Variants in ITGBL1 observed in about 807,000 individuals in gnomAD.
ITGBL1 encodes the protein integrin beta-like protein 1.
Under a neutral mutation model 68.5 loss-of-function variants are expected in ITGBL1, and 51 were observed. The ratio of observed to expected loss-of-function variants is 0.74; its 90% CI spans 0.59 to 0.94. ITGBL1 has a LOEUF of 0.94. ITGBL1 is among the 40% of genes least tolerant of loss of function. The pLI is 0.00. For missense variants in ITGBL1, 649 were observed against 647.4 expected, an observed-to-expected ratio of 1.00 and a Z score of -0.03; for synonymous variants, 209 against 227.3, an observed-to-expected ratio of 0.92 and a Z score of 0.72.
intron 7 of ITGBL1, among the ~76,000 whole-genome samples, chr13:101,634,453 A>G (rs925102354): frequency 4.6e-5 from 7 of 152,174 alleles, no homozygotes; most frequent in African/African-American, 1.7e-4. Context: ...TTTTGTGCTT[A>G]GGAGGCTGGT....
At chr13:101,633,535 A>G (rs2032060681) in intron 7 of ITGBL1, among the ~76,000 whole-genome samples, 1 of 152,142 alleles carries the variant, frequency 6.6e-6, no homozygotes, top group Non-Finnish European at 1.5e-5. Flanking sequence ...TGTCAGCCAA[A>G]AAAACCAAGT....
intron 2 of ITGBL1, among the ~76,000 whole-genome samples, chr13:101,545,232 G>A (rs377747720): frequency 3.9e-5 from 6 of 152,310 alleles, no homozygotes; most frequent in Admixed American, 3.3e-4. Context: ...AGTAAGATGA[G>A]CTGGCGGTGT....
At chr13:101,671,331 GT>G (rs1327539163) in intron 7 of ITGBL1, among the ~76,000 whole-genome samples, 2 of 144,408 alleles carry the variant, frequency 1.4e-5, no homozygotes, top group African/African-American at 5.0e-5. Flanking sequence ...AAACATTGTT[GT>G]TTCTTTACTT....
intron 6 of ITGBL1, among the ~76,000 whole-genome samples, chr13:101,584,015 A>T (rs1183355989): frequency 3.3e-5 from 5 of 152,254 alleles, no homozygotes. Flanking sequence ...AATGTATTAC[A>T]AAACAGGATA....
At chr13:101,651,936 C>G (rs1269276984) in intron 7 of ITGBL1, among the ~76,000 whole-genome samples, 1 of 152,010 alleles carries the variant, frequency 6.6e-6, no homozygotes, top group East Asian at 1.9e-4. Flanking sequence ...GAGTTCTTTC[C>G]CCATTGCTTG....
At chr13:101,626,842 C>T (rs1043463379) in intron 7 of ITGBL1, among the ~76,000 whole-genome samples, 1 of 151,970 alleles carries the variant, frequency 6.6e-6, no homozygotes, top group East Asian at 1.9e-4. Context: ...AATATGAAAA[C>T]AACATTTTAG....
chr13:101,659,462 T>C (rs1470431101), intron 7 of ITGBL1, among the ~76,000 whole-genome samples: 2 of 152,132 alleles, frequency 1.3e-5, no homozygotes, highest in Non-Finnish European at 2.9e-5. Flanking sequence ...CAAAATATAG[T>C]ATTATTTCTT....
chr13:101,550,667 T>C (rs1483483067), intron 2 of ITGBL1, among the ~76,000 whole-genome samples: 1 of 152,128 alleles, frequency 6.6e-6, no homozygotes, highest in Non-Finnish European at 1.5e-5. Context: ...ATATTGTAGG[T>C]GGAAAAATAA....
chr13:101,481,002 A>ATG (rs71121195), intron 2 of ITGBL1, among the ~76,000 whole-genome samples: 15,249 of 143,148 alleles, frequency 0.11, 902 homozygotes, highest in Non-Finnish European at 0.14. Flanking sequence ...GCCAAAAGAT[A>ATG]TGTGTGTGTG....
intron 2 of ITGBL1, among the ~76,000 whole-genome samples, chr13:101,488,015 C>T (rs184354386): frequency 5.8e-4 from 88 of 152,132 alleles, no homozygotes; most frequent in African/African-American, 2.0e-3. Flanking sequence ...TGCTGGGCTT[C>T]GGAGGAGGAG....
At chr13:101,467,785 T>C (rs1048689311) in intron 2 of ITGBL1, among the ~76,000 whole-genome samples, 2 of 152,216 alleles carry the variant, frequency 1.3e-5, no homozygotes, top group South Asian at 2.1e-4. Flanking sequence ...TAGTCACTAG[T>C]TCAAACACCG....
chr13:101,582,566 A>G (rs998447837), intron 5 of ITGBL1, among the ~76,000 whole-genome samples: 16 of 152,174 alleles, frequency 1.1e-4, no homozygotes, highest in Admixed American at 3.9e-4. Flanking sequence ...CTGATCTCCA[A>G]CATTCTCTAT....
At chr13:101,609,462 T>C (rs1290018851) in intron 7 of ITGBL1, among the ~76,000 whole-genome samples, 1 of 152,132 alleles carries the variant, frequency 6.6e-6, no homozygotes, top group Non-Finnish European at 1.5e-5. Context: ...AAGCAGCATT[T>C]ACTAAGCTAA....
chr13:101,614,551 G>A (rs1473430293), intron 7 of ITGBL1, among the ~76,000 whole-genome samples: 4 of 152,134 alleles, frequency 2.6e-5, no homozygotes, highest in South Asian at 2.1e-4. Context: ...ACTGACCAGC[G>A]AATCCATATC....
At chr13:101,587,351 A>G (rs1440481310) in intron 6 of ITGBL1, among the ~76,000 whole-genome samples, 3 of 152,140 alleles carry the variant, frequency 2.0e-5, no homozygotes, top group African/African-American at 4.8e-5. Flanking sequence ...GTGTTTGTGT[A>G]TGTTCATTTG....
intron 2 of ITGBL1, among the ~76,000 whole-genome samples, chr13:101,544,294 C>T (rs1467333060): frequency 1.3e-5 from 2 of 152,218 alleles, no homozygotes; most frequent in Non-Finnish European, 2.9e-5. Flanking sequence ...AGCTGCAGGT[C>T]TGTTGGAGTT....
chr13:101,520,483 A>C (rs1371075361), intron 2 of ITGBL1, among the ~76,000 whole-genome samples: 1 of 152,150 alleles, frequency 6.6e-6, no homozygotes, highest in Non-Finnish European at 1.5e-5. Flanking sequence ...AAAATTGAAG[A>C]AGTAATCATC....
At chr13:101,541,179 T>G (rs1298358317) in intron 2 of ITGBL1, among the ~76,000 whole-genome samples, 1 of 150,104 alleles carries the variant, frequency 6.7e-6, no homozygotes, top group Non-Finnish European at 1.5e-5. Flanking sequence ...AGTATGATAT[T>G]GGCTGTGGGT....
chr13:101,538,048 GATAA>G (rs2049610324), intron 2 of ITGBL1, among the ~76,000 whole-genome samples: 1 of 151,872 alleles, frequency 6.6e-6, no homozygotes, highest in Non-Finnish European at 1.5e-5. Context: ...TCAGTATTAG[GATAA>G]ATAAGTTATT....
Sources: allele counts gnomAD v4.1 joint callset (sites outside exome capture counted in the v4.1 genomes callset), GRCh38; gene constraint gnomAD v4.1.1; transcripts MANE v1.5; gene names NCBI Gene and HGNC (gene_info 2026-07-23, HGNC 2026-07-21).